The following MICAL3 variants were observed in gnomAD, a reference collection of about 807,000 sequenced individuals.
The protein encoded by MICAL3 is [F-actin]-monooxygenase MICAL3.
In MICAL3, 62 loss-of-function variants were observed where a neutral mutation model predicts 207.4. That is an observed-to-expected ratio of 0.30 (90% confidence interval 0.24 to 0.37). MICAL3 has a LOEUF of 0.37. MICAL3 is among the 10% of genes least tolerant of loss of function. The pLI, the probability that MICAL3 is intolerant of heterozygous loss-of-function variation, is 1.00. For synonymous variants in MICAL3, 1,077 were observed against 1,069.3 expected (o/e 1.01, Z -0.14); for missense variants, 2,368 against 2,635.6 (o/e 0.90, Z 2.22).
chr22:17,823,661 G>A (rs1479913109), intron 22 of MICAL3, among the ~76,000 whole-genome samples: 1 of 152,134 alleles, frequency 6.6e-6, no homozygotes, highest in Admixed American at 6.5e-5. Flanking sequence ...TTTAGGCTAC[G>A]TGTACAAGGT....
chr22:17,939,930 C>T (rs1259630372), intron 1 of MICAL3, among the ~76,000 whole-genome samples: 1 of 152,196 alleles, frequency 6.6e-6, no homozygotes, highest in East Asian at 1.9e-4. Flanking sequence ...GAGCCCTTTT[C>T]CGCAGGCACA....
intron 13 of MICAL3, among the ~76,000 whole-genome samples, chr22:17,887,822 G>C (rs1930060677): frequency 6.6e-6 from 1 of 152,184 alleles, no homozygotes; most frequent in African/African-American, 2.4e-5. Context: ...AAGCAGAGAG[G>C]CGATGAACTC....
chr22:17,885,552 C>T (rs552636483), intron 16 of MICAL3, among the ~76,000 whole-genome samples: 8 of 152,268 alleles, frequency 5.3e-5, no homozygotes, highest in Admixed American at 1.3e-4. Flanking sequence ...GCATTTTCCT[C>T]AGTAAGTGTG....
rs1931388767 is a variant in MICAL3 at position 17,902,258 on chromosome 22, C to T, written c.590-279G>A. 6.6e-6 allele frequency among the ~76,000 whole-genome samples: 1 copy of T among 152,194 alleles called. No individual in the cohort carries two copies. Among genetic ancestry groups the T allele is most frequent in the Non-Finnish European group, 1.5e-5 (1 of 68,028 alleles). Reference sequence around the variant, plus strand: ...TACTAAAATACAAAAATTAGCCAGGCATGGTGACACATGCCTGTAATCCCA... The same window carrying T: ...TACTAAAATACAAAAATTAGCCAGGTATGGTGACACATGCCTGTAATCCCA... On this transcript the variant is annotated intron_variant, in intron 4 of 31. Transcript: ENST00000441493. This position sits in a 1 kb window ranked among gnomAD's most constrained non-coding sequence, Gnocchi z 4.5.
intron 21 of MICAL3, among the ~76,000 whole-genome samples, chr22:17,828,631 C>G (rs1310548057): frequency 1.3e-5 from 2 of 152,226 alleles, no homozygotes; most frequent in Non-Finnish European, 2.9e-5. Flanking sequence ...CCCTGCTTAT[C>G]ACCTCTGGAA....
rs113530154 is a variant in MICAL3, at chr22:17,800,664, G to A, written c.5650+8180C>T. Among the ~76,000 whole-genome samples the A allele has an allele frequency of 2.4e-3, 362 of 152,242 alleles. 1 individual carries two copies. The highest frequency in any genetic ancestry group is 3.5e-3 in the Non-Finnish European group (241 of 68,018). On this transcript the variant is annotated intron_variant, in intron 29 of 31. Coordinates refer to ENST00000441493, the MANE Select transcript of MICAL3 (RefSeq NM_015241.3). ...CAGGAGGTGGCATTCCCAATGCTCC[G>A]AGGGCTGCTTGGAGCTTTGCTCTGC... is the stretch of plus-strand genomic sequence containing the variant.
intron 19 of MICAL3, among the ~76,000 whole-genome samples, chr22:17,844,342 G>A (rs1444942628): frequency 6.6e-6 from 1 of 152,208 alleles, no homozygotes; most frequent in Non-Finnish European, 1.5e-5. Context: ...GCAAAACCTG[G>A]CTAAAGGAAA....
At chr22:17,847,514 A>G (rs1265956707) in intron 19 of MICAL3, among the ~76,000 whole-genome samples, 2 of 152,242 alleles carry the variant, frequency 1.3e-5, no homozygotes, top group Non-Finnish European at 1.5e-5. Flanking sequence ...CCAGTGACAC[A>G]GCAGACAAGA....
chr22:17,877,880 C>T (rs148841321), intron 16 of MICAL3, among the ~76,000 whole-genome samples: 2 of 152,050 alleles, frequency 1.3e-5, no homozygotes, highest in African/African-American at 4.8e-5. Context: ...ATTCTGTCGC[C>T]CTGGCTCTGT....
intron 1 of MICAL3, among the ~76,000 whole-genome samples, chr22:17,967,486 A>ACACCCCCC (rs1556491356): frequency 4.1e-5 from 6 of 145,592 alleles, no homozygotes; most frequent in Non-Finnish European, 9.2e-5. Context: ...ACACACACAC[A>ACACCCCCC]CACACACCCA....
rs370665479 is a variant in MICAL3, at chr22:17,879,295, C to T, written c.2241+6583G>A. On this transcript the variant is annotated intron_variant, in intron 16 of 31. Transcript: ENST00000441493. ...CCGCTGCCCCACCACCACAGCGTGC[C>T]CCGTGTGCTTGGCTCTCAGCATCCC... The T allele has an allele frequency of 6.7e-5, 102 of 1,523,764 alleles. 1 individual carries two copies. In the South Asian group the frequency reaches 1.1e-3, roughly 17 times the overall value. The allele number at this position is 1,523,764 out of a possible 1,614,324, so 94.4% of individuals were successfully genotyped here.
At chr22:17,932,095 G>A (rs1024660284) in intron 1 of MICAL3, among the ~76,000 whole-genome samples, 1 of 152,084 alleles carries the variant, frequency 6.6e-6, no homozygotes, top group African/African-American at 2.4e-5. Context: ...TAGTAGGAGA[G>A]GCCCAACATT....
chr22:17,986,870 TA>T (rs1319957298), intron 1 of MICAL3, among the ~76,000 whole-genome samples: 5 of 152,202 alleles, frequency 3.3e-5, no homozygotes, highest in African/African-American at 1.2e-4. Context: ...TTCTCCCATT[TA>T]TTTCCAAAGT....
At chr22:17,993,608 T>C (rs1476190068) in intron 1 of MICAL3, among the ~76,000 whole-genome samples, 1 of 151,814 alleles carries the variant, frequency 6.6e-6, no homozygotes, top group African/African-American at 2.4e-5. Flanking sequence ...AGCCCCCAGG[T>C]TCCTGAACAC....
intron 1 of MICAL3, among the ~76,000 whole-genome samples, chr22:18,018,031 T>C (rs1445727131): frequency 1.3e-5 from 2 of 151,796 alleles, no homozygotes; most frequent in South Asian, 2.1e-4. Context: ...ATTACAGGCA[T>C]GCCACCGCGC....
intron 19 of MICAL3, chr22:17,858,459 C>T (rs552437412): frequency 2.4e-5 from 24 of 985,304 alleles, no homozygotes; most frequent in South Asian, 1.9e-4. Context: ...GGCTGGAATT[C>T]GGAAAGACTT....
At chr22:17,898,017 T>C (rs551191098) in intron 7 of MICAL3, among the ~76,000 whole-genome samples, 2 of 152,284 alleles carry the variant, frequency 1.3e-5, no homozygotes, top group Non-Finnish European at 1.5e-5. Flanking sequence ...ACACTCAGGT[T>C]GGTCCTAGAA....
At chr22:17,960,710 G>A (rs1032812618) in intron 1 of MICAL3, among the ~76,000 whole-genome samples, 2 of 152,132 alleles carry the variant, frequency 1.3e-5, no homozygotes, top group Non-Finnish European at 2.9e-5. Flanking sequence ...GAAGGAGGCA[G>A]ATTTGGAAAC....
chr22:17,827,519 G>A, intron 22 of MICAL3, 125 bp downstream of exon 22: 2 of 985,662 alleles, frequency 2.0e-6, no homozygotes, highest in African/African-American at 1.6e-5. Context: ...AAAGCGGGAT[G>A]CGCCTGGCTC....
Sources: gnomAD v4.1 joint callset for allele counts (sites outside exome capture counted in the v4.1 genomes callset) on GRCh38, gnomAD v4.1.1 for gene constraint, Gnocchi (gnomAD v3.1) non-coding constraint, MANE v1.5 for transcripts, NCBI Gene and HGNC (gene_info 2026-07-23, HGNC 2026-07-21) for gene names.